Variants in ARHGAP35 observed in about 807,000 individuals in gnomAD.
ARHGAP35 encodes the protein Rho GTPase activating protein 35, also known as rho GTPase-activating protein 35.
ARHGAP35 carries 15 observed loss-of-function variants against 111.1 expected under a neutral mutation model. The observed-to-expected ratio is 0.13, with a 90% CI of 0.09 to 0.21. The LOEUF (loss-of-function observed/expected upper bound fraction) is 0.21. Ranked by LOEUF, ARHGAP35 falls within the 10% of genes least tolerant of loss-of-function variation. The pLI, the probability that ARHGAP35 is intolerant of heterozygous loss-of-function variation, is 1.00. For missense variants in ARHGAP35, 1,262 were observed against 1,873.0 expected, an observed-to-expected ratio of 0.67 and a Z score of 6.02; for synonymous variants, 643 against 710.3, an observed-to-expected ratio of 0.91 and a Z score of 1.51.
In ARHGAP35 at chr19:46,993,800, C is replaced by G. The variant is rs2056692171; in HGVS notation, c.4036+4125C>G. The stretch of plus-strand genomic sequence containing the variant: ...GAGCAAGAGCAGAGCCACCTGGAGC[C>G]AAGCCAAGCAAAGGGGTGAGCGCAG... On this transcript the variant is annotated intron_variant, in intron 5 of 6. Transcript: ENST00000672722. This position sits in a 1 kb window ranked among gnomAD's most constrained non-coding sequence, Gnocchi z 4.6. Among the ~76,000 whole-genome samples, 1 of 151,980 alleles carries G rather than the reference C, an allele frequency of 6.6e-6. No individual in the cohort carries two copies. Among genetic ancestry groups the G allele is most frequent in the African/African-American group, 2.4e-5 (1 of 41,340 alleles).
chr19:46,922,058 A>G lies in ARHGAP35; in HGVS notation c.3383A>G (p.Asn1128Ser), dbSNP rs773296663. Residue 1128 changes from asparagine to serine, a missense_variant, in exon 2 of 7, where the codon AAC (asparagine) becomes AGC (serine). By Grantham distance (46) the Asn-to-Ser change is conservative. Coordinates refer to ENST00000672722, the MANE Select transcript of ARHGAP35 (RefSeq NM_004491.5). This position sits in a 1 kb window ranked among gnomAD's most constrained non-coding sequence, Gnocchi z 4.0. The stretch of plus-strand genomic sequence containing the variant: ...CGGAATATCAACAAAGCCCAGTCCA[A>G]CGGCAGCGGGAATGGTTCTGACAGT... Reference protein sequence around the residue: ...TIRNINKAQSNGSGNGSDSEM... With the variant: ...TIRNINKAQSSGSGNGSDSEM... 1 of 1,614,038 alleles carries G rather than the reference A, an allele frequency of 6.2e-7. No homozygotes were observed. The highest frequency in any genetic ancestry group is 8.5e-7 in the Non-Finnish European group (1 of 1,179,894).
intron 3 of ARHGAP35, among the ~76,000 whole-genome samples, chr19:46,969,714 C>T (rs1211418262): frequency 6.6e-6 from 1 of 152,206 alleles, no homozygotes; most frequent in East Asian, 1.9e-4. Flanking sequence ...GTCATCAGCT[C>T]AGAGAAGCAA....
chr19:46,956,032 C>T lies in ARHGAP35; in HGVS notation c.3826+18624C>T, dbSNP rs1007491417. Among the ~76,000 whole-genome samples the T allele has an allele frequency of 7.9e-5, 12 of 152,138 alleles. No individual in the cohort carries two copies. In the East Asian group the frequency reaches 1.5e-3, roughly 20 times the overall value. On this transcript the variant is annotated intron_variant, in intron 3 of 6. Transcript: ENST00000672722. Reference sequence around the variant, plus strand: ...CACAGTCAAAACTTTGTTTCATGCACGAGGCCAGGGCACAGTGGCTCATGC... The same window carrying T: ...CACAGTCAAAACTTTGTTTCATGCATGAGGCCAGGGCACAGTGGCTCATGC...
At chr19:46,868,087 C>T (rs1396536302) in intron 1 of ARHGAP35, among the ~76,000 whole-genome samples, 3 of 152,126 alleles carry the variant, frequency 2.0e-5, no homozygotes, top group African/African-American at 7.2e-5. Context: ...AGCCTGGTCT[C>T]GAACTCCTGA....
At chr19:46,924,781 G>T (rs936147122) in intron 2 of ARHGAP35, among the ~76,000 whole-genome samples, 1 of 152,198 alleles carries the variant, frequency 6.6e-6, no homozygotes, top group South Asian at 2.1e-4. Flanking sequence ...CTTCTAATTT[G>T]TGGGGGTGTT....
In ARHGAP35 at chr19:46,999,285, T is replaced by C. The variant is rs375030765; in HGVS notation, c.4037-19T>C. ...GCCTCGGCCATGAAAGGCAAGGCTT[T>C]GGTTTTCTCTCTCCTCAGAAATCAA... On this transcript the variant is annotated intron_variant, in intron 5 of 6. Transcript: ENST00000672722. The surrounding 1 kb of genome is among the most constrained non-coding windows in gnomAD (Gnocchi z 5.4). 2.2e-5 allele frequency: 34 copies of C among 1,554,970 alleles called. No homozygotes were observed. In the African/African-American group the frequency reaches 3.0e-4, roughly 14 times the overall value.
chr19:46,905,974 G>A (rs572555840), intron 1 of ARHGAP35, among the ~76,000 whole-genome samples: 5 of 151,378 alleles, frequency 3.3e-5, no homozygotes, highest in African/African-American at 7.3e-5. Context: ...GTGAGCCACC[G>A]TGCCTGGCCA....
At chr19:46,996,457 C>G (rs996970301) in intron 5 of ARHGAP35, among the ~76,000 whole-genome samples, 6 of 152,028 alleles carry the variant, frequency 3.9e-5, no homozygotes, top group African/African-American at 1.2e-4. Flanking sequence ...CTCCCCACCC[C>G]CTGAAGAAGA....
chr19:46,865,054 G>A (rs937767442), intron 1 of ARHGAP35, among the ~76,000 whole-genome samples: 2 of 152,288 alleles, frequency 1.3e-5, no homozygotes, highest in South Asian at 2.1e-4. Flanking sequence ...ACTGGTAACC[G>A]ATGTTCTTAA....
Position 46,920,928 on chromosome 19 carries a change from CA to C in ARHGAP35, c.2254del (p.Ser752ValfsTer4). On this transcript the variant is annotated frameshift_variant, in exon 2 of 7. Coordinates refer to ENST00000672722, the MANE Select transcript of ARHGAP35 (RefSeq NM_004491.5). LOFTEE classifies it high-confidence loss of function. The surrounding 1 kb of genome is among the most constrained non-coding windows in gnomAD (Gnocchi z 7.0). ...GACGCAACATTAATGAAAAGCAAAT[CA>C]GTCAAGTTTTGAAGGGACTCCTGGA... ...YGRNINEKQI[S>X]QVLKGLLDSK... 6.2e-7 allele frequency: 1 copy of C among 1,613,680 alleles called. No homozygotes were observed. The highest frequency in any genetic ancestry group is 8.5e-7 in the Non-Finnish European group (1 of 1,179,620).
At chr19:46,970,295 A>G (rs535488781) in intron 3 of ARHGAP35, among the ~76,000 whole-genome samples, 68 of 152,304 alleles carry the variant, frequency 4.5e-4, no homozygotes, top group Non-Finnish European at 5.7e-4. Flanking sequence ...TTGCTGCTAC[A>G]AGAGCCATCC....
chr19:46,893,324 T>A (rs949801937), intron 1 of ARHGAP35, among the ~76,000 whole-genome samples: 2 of 151,982 alleles, frequency 1.3e-5, no homozygotes, highest in Non-Finnish European at 2.9e-5. Flanking sequence ...ACTGTTCGGG[T>A]TGGACTTTTT....
intron 3 of ARHGAP35, among the ~76,000 whole-genome samples, chr19:46,966,027 C>A (rs1018060052): frequency 1.3e-5 from 2 of 152,142 alleles, no homozygotes; most frequent in African/African-American, 4.8e-5. Flanking sequence ...TAGTTGGAAA[C>A]CCTCAGTCTC....
intron 3 of ARHGAP35, among the ~76,000 whole-genome samples, chr19:46,980,829 C>T (rs1054512224): frequency 6.6e-6 from 1 of 152,236 alleles, no homozygotes; most frequent in Non-Finnish European, 1.5e-5. Flanking sequence ...ACCAGCTTTC[C>T]ACTTAGATCA....
intron 1 of ARHGAP35, among the ~76,000 whole-genome samples, chr19:46,881,441 GA>G (rs961446549): frequency 2.0e-5 from 3 of 152,354 alleles, no homozygotes; most frequent in African/African-American, 7.2e-5. Context: ...TAGCAGGCAT[GA>G]AAACAACATT....
intron 2 of ARHGAP35, among the ~76,000 whole-genome samples, chr19:46,928,822 C>T (rs2056254321): frequency 6.6e-6 from 1 of 151,980 alleles, no homozygotes; most frequent in Non-Finnish European, 1.5e-5. Context: ...ATCCCAGCTA[C>T]TCGGGAGGCT....
chr19:46,866,019 T>C (rs1051619027), intron 1 of ARHGAP35, among the ~76,000 whole-genome samples: 5 of 152,108 alleles, frequency 3.3e-5, no homozygotes, highest in African/African-American at 1.2e-4. Flanking sequence ...TTTTGTATTT[T>C]TAGTAGAGAT....
rs962278743 is a variant in ARHGAP35, at chr19:47,002,915, T to G, written c.*2227T>G. 1 of 152,268 alleles carries G rather than the reference T, an allele frequency of 6.6e-6. No homozygotes were observed. The highest frequency in any genetic ancestry group is 2.4e-5 in the African/African-American group (1 of 41,458). 9.4% of individuals were successfully genotyped at this position (152,268 alleles called of 1,614,324 possible). ...GGAGGGGGTGGTGAGGAGGAGCACCTGGGCTCTCTACCCCTCTCCTCACAG... is the reference window on the plus strand; with the variant it reads ...GGAGGGGGTGGTGAGGAGGAGCACCGGGGCTCTCTACCCCTCTCCTCACAG... On this transcript the variant is annotated 3_prime_UTR_variant, in exon 7 of 7. Transcript: ENST00000672722.
intron 1 of ARHGAP35, among the ~76,000 whole-genome samples, chr19:46,863,305 A>G (rs1040955869): frequency 6.6e-6 from 1 of 152,144 alleles, no homozygotes; most frequent in Non-Finnish European, 1.5e-5. Context: ...TTCTCTCCCC[A>G]GGGATCCTGA....
Sources: allele counts gnomAD v4.1 joint callset (sites outside exome capture counted in the v4.1 genomes callset), GRCh38; gene constraint gnomAD v4.1.1; non-coding constraint Gnocchi (gnomAD v3.1); transcripts MANE v1.5; gene names NCBI Gene and HGNC (gene_info 2026-07-23, HGNC 2026-07-21).